Variants in ACSBG2 observed in about 807,000 individuals in gnomAD.
ACSBG2 encodes long-chain-fatty-acid--CoA ligase ACSBG2.
A neutral mutation model predicts 74.7 loss-of-function variants in ACSBG2; 62 were observed. The ratio of observed to expected loss-of-function variants is 0.83; its 90% CI spans 0.68 to 1.03. ACSBG2 has a LOEUF of 1.03. Among genes scored for constraint, ACSBG2 ranks in the 50% least tolerant of loss-of-function variants. The pLI, the probability that ACSBG2 is intolerant of heterozygous loss-of-function variation, is 0.00. For missense variants in ACSBG2, 730 were observed against 817.6 expected, an observed-to-expected ratio of 0.89 and a Z score of 1.31; for synonymous variants, 309 against 294.1, an observed-to-expected ratio of 1.05 and a Z score of -0.52.
At chr19:6,147,955 C>T (rs1439273269) in intron 3 of ACSBG2, among the ~76,000 whole-genome samples, 1 of 152,198 alleles carries the variant, frequency 6.6e-6, no homozygotes, top group Non-Finnish European at 1.5e-5. Context: ...TAGCCTACTA[C>T]ACCCATGGTT....
intron 1 of ACSBG2, among the ~76,000 whole-genome samples, chr19:6,138,602 G>GAGGAAGAA (rs2088680509): frequency 2.1e-5 from 2 of 96,206 alleles, no homozygotes; most frequent in Admixed American, 1.2e-4. Flanking sequence ...AAGAGAGAGG[G>GAGGAAGAA]AGGAAGGAAG....
intron 4 of ACSBG2, among the ~76,000 whole-genome samples, chr19:6,154,661 G>A (rs865785441): frequency 1.3e-5 from 2 of 151,656 alleles, no homozygotes; most frequent in Admixed American, 6.6e-5. Flanking sequence ...ACAGGCGTGC[G>A]CCACCATGGC....
intron 6 of ACSBG2, among the ~76,000 whole-genome samples, chr19:6,164,502 G>C (rs2145138432): frequency 6.9e-6 from 1 of 144,676 alleles, no homozygotes; most frequent in South Asian, 2.2e-4. Flanking sequence ...GCGTGATCTT[G>C]GCTCACTGCA....
chr19:6,190,894 G>C, intron 14 of ACSBG2: 1 of 457,312 alleles, frequency 2.2e-6, no homozygotes, highest in Non-Finnish European at 4.0e-6. Context: ...TTCAACTCAT[G>C]CTGTCTCTAC....
chr19:6,176,770 T>C (rs1242813342), intron 7 of ACSBG2, among the ~76,000 whole-genome samples: 1 of 152,114 alleles, frequency 6.6e-6, no homozygotes, highest in African/African-American at 2.4e-5. Flanking sequence ...AATGACTTGG[T>C]GTTTGTAAAG....
At position 6,137,642 on chromosome 19, in the gene ACSBG2, G is replaced by T. The variant is rs573557237; in HGVS notation, c.-32+1733G>T. Among the ~76,000 whole-genome samples, 131 of 151,988 alleles carry T rather than the reference G, an allele frequency of 8.6e-4. 1 individual carries two copies. The highest frequency in any genetic ancestry group is 4.6e-3 in the South Asian group (22 of 4,816). ...TTTATTTATTTATTTATGTATTTAT[G>T]TATTTATTTATTTATTTATTTTTGA... On this transcript the variant is annotated intron_variant, in intron 1 of 14. Transcript: ENST00000588485.
Position 6,141,565 on chromosome 19 carries a change from C to T in ACSBG2, c.22C>T (p.Gln8Ter). 6.2e-7 allele frequency: 1 copy of T among 1,612,304 alleles called. No homozygotes were observed. The highest frequency in any genetic ancestry group is 2.2e-5 in the East Asian group (1 of 44,860). ...TGGAATGACTGGAACCCCAAAGACT[C>T]AAGAAGGAGCTAAAGATCTTGAAGT... Reference protein sequence around the residue: MTGTPKTQEGAKDLEVDM... With the variant: MTGTPKT Residue 8 changes from glutamine to a stop codon, truncating the protein, a stop_gained, in exon 2 of 15, where the codon CAA becomes TAA. Transcript: ENST00000588485. LOFTEE classifies it high-confidence loss of function.
At chr19:6,188,934 T>C (rs2090479193) in intron 13 of ACSBG2, among the ~76,000 whole-genome samples, 1 of 152,212 alleles carries the variant, frequency 6.6e-6, no homozygotes, top group South Asian at 2.1e-4. Flanking sequence ...GATGGAAAAC[T>C]TGACCTTTCA....
At chr19:6,164,898 C>T (rs141805534) in intron 6 of ACSBG2, among the ~76,000 whole-genome samples, 1 of 152,148 alleles carries the variant, frequency 6.6e-6, no homozygotes, top group East Asian at 1.9e-4. Flanking sequence ...TGGAGTCAGA[C>T]CTTGGGTTTG....
intron 2 of ACSBG2, among the ~76,000 whole-genome samples, chr19:6,145,081 G>A (rs1256955079): frequency 2.0e-5 from 3 of 152,068 alleles, no homozygotes; most frequent in South Asian, 2.1e-4. Flanking sequence ...CCATCTATGA[G>A]GCCCATGTCT....
At chr19:6,176,471 C>T (rs896633223) in intron 7 of ACSBG2, 127 of 1,278,010 alleles carry the variant, frequency 9.9e-5, no homozygotes, top group Non-Finnish European at 1.2e-4. Context: ...ATCCAAGGTG[C>T]CTTATACTGA....
chr19:6,183,117 T>C lies in ACSBG2; in HGVS notation c.1167T>C (p.Asp389=), dbSNP rs1005762261. The C allele has an allele frequency of 5.0e-6, 8 of 1,614,086 alleles. No individual in the cohort carries two copies. Among genetic ancestry groups the C allele is most frequent in the Non-Finnish European group, 5.9e-6 (7 of 1,180,046 alleles). ...AAGTCAAGACATCCCTTGGCTTGGA[T>C]CACTGTCACTCTTTTATCAGTGGGA... is the stretch of plus-strand genomic sequence containing the variant. ...FSKVKTSLGL[D]HCHSFISGTA... is the part of the protein sequence containing the mutation. Residue 389 remains aspartate, a synonymous_variant, in exon 10 of 15, where the codon GAT becomes GAC. Transcript: ENST00000588485.
intron 5 of ACSBG2, among the ~76,000 whole-genome samples, chr19:6,158,856 C>G (rs2089514595): frequency 6.6e-6 from 1 of 152,226 alleles, no homozygotes; most frequent in Non-Finnish European, 1.5e-5. Flanking sequence ...CTTCCTTTGA[C>G]TCCTAATTCC....
intron 6 of ACSBG2, 115 bp downstream of exon 6, chr19:6,161,410 G>T: frequency 3.1e-6 from 3 of 955,472 alleles, no homozygotes; most frequent in East Asian, 5.2e-5. Context: ...GCAAGGGTGG[G>T]AACTCTCAAA....
rs35121049 is a variant in ACSBG2 at position 6,190,812 on chromosome 19, T to C, written c.*35+120T>C. The C allele has an allele frequency of 6.0e-3, 2,010 of 336,148 alleles. 9 individuals are homozygous for C. The highest frequency in any genetic ancestry group is 8.5e-3 in the East Asian group (131 of 15,438). The allele number at this position is 336,148 out of a possible 1,614,324, so 20.8% of individuals were successfully genotyped here. ...GAAAACACACACATACACACATACA[T>C]ACACACACACACACACACACACACA... On this transcript the variant is annotated intron_variant, in intron 14 of 14. Coordinates refer to ENST00000588485, the MANE Select transcript of ACSBG2 (RefSeq NM_030924.5).
At chr19:6,154,505 A>C (rs1330119718) in intron 4 of ACSBG2, among the ~76,000 whole-genome samples, 2 of 147,360 alleles carry the variant, frequency 1.4e-5, no homozygotes, top group Non-Finnish European at 3.0e-5. Flanking sequence ...ATAATATATA[A>C]TATATTATAT....
At chr19:6,184,816 C>G (rs1201916347) in intron 10 of ACSBG2, among the ~76,000 whole-genome samples, 1 of 97,278 alleles carries the variant, frequency 1.0e-5, no homozygotes, top group African/African-American at 4.3e-5. Flanking sequence ...TTTTCTTTGC[C>G]GGCATATGTG....
At chr19:6,151,643 T>C in intron 3 of ACSBG2, 64 bp from the exon 4 acceptor site, 3 of 1,473,926 alleles carry the variant, frequency 2.0e-6, no homozygotes, top group Non-Finnish European at 2.8e-6. Flanking sequence ...TGTCGTCACA[T>C]ATCCTAATGA....
chr19:6,169,136 G>T (rs2089896922), intron 7 of ACSBG2, among the ~76,000 whole-genome samples: 1 of 152,170 alleles, frequency 6.6e-6, no homozygotes, highest in African/African-American at 2.4e-5. Context: ...TCTGTAGGTT[G>T]TCTTTACTCT....
Sources: gnomAD v4.1 joint callset for allele counts (sites outside exome capture counted in the v4.1 genomes callset) on GRCh38, gnomAD v4.1.1 for gene constraint, MANE v1.5 for transcripts, NCBI Gene and HGNC (gene_info 2026-07-23, HGNC 2026-07-21) for gene names.